SCRIB: variants seen among roughly 807,000 people sequenced by gnomAD.
SCRIB encodes protein scribble homolog.
SCRIB carries 72 observed loss-of-function variants against 170.0 expected under a neutral mutation model. That is an observed-to-expected ratio of 0.42 (90% CI 0.35 to 0.52). SCRIB has a LOEUF of 0.52. Among genes scored for constraint, SCRIB ranks in the 20% least tolerant of loss-of-function variants. The pLI is 0.02. For missense variants in SCRIB, 2,475 were observed against 2,338.5 expected, an observed-to-expected ratio of 1.06 and a Z score of -1.20; for synonymous variants, 1,298 against 1,044.3, an observed-to-expected ratio of 1.24 and a Z score of -4.68.
chr8:143,814,345 C>T (rs113070193), intron 1 of SCRIB, among the ~76,000 whole-genome samples: 6 of 152,210 alleles, frequency 3.9e-5, no homozygotes, highest in African/African-American at 1.2e-4. Context: ...CACCAGCCTC[C>T]ACTCTGAGAA....
intron 24 of SCRIB, among the ~76,000 whole-genome samples, chr8:143,801,751 C>T (rs1815180697): frequency 1.3e-5 from 2 of 152,178 alleles, no homozygotes; most frequent in African/African-American, 4.8e-5. Context: ...CAGCTCTCAG[C>T]CCCACTGCTC....
intron 24 of SCRIB, among the ~76,000 whole-genome samples, chr8:143,799,113 A>G (rs1440049426): frequency 6.6e-6 from 1 of 152,220 alleles, no homozygotes; most frequent in African/African-American, 2.4e-5. Context: ...CTGTTATTCT[A>G]AAAACTAACA....
rs140122931 is a variant in SCRIB, at chr8:143,802,069, C to T, written c.3603+1314G>A. Among the ~76,000 whole-genome samples the T allele has an allele frequency of 7.2e-5, 11 of 152,360 alleles. No homozygotes were observed. The East Asian group carries it at 7.7e-4, about 11-fold the overall frequency. On this transcript the variant is annotated intron_variant, in intron 24 of 36. Transcript: ENST00000356994. Reference sequence around the variant, plus strand: ...TCACGAGTAAATATATCGAATGAAACGTGTTTAGATACACATTTAAAATAA... The same window carrying T: ...TCACGAGTAAATATATCGAATGAAATGTGTTTAGATACACATTTAAAATAA...
At chr8:143,796,653 G>A (rs1289863227) in intron 24 of SCRIB, among the ~76,000 whole-genome samples, 16 of 152,332 alleles carry the variant, frequency 1.1e-4, no homozygotes, top group Admixed American at 5.9e-4. Context: ...CTAGAAACGC[G>A]AGTGTCGTAA....
intron 27 of SCRIB, chr8:143,794,178 C>T (rs1814835438): frequency 1.8e-6 from 1 of 561,956 alleles, no homozygotes; most frequent in Admixed American, 3.0e-5. Context: ...CAGCTGCTGT[C>T]TCCATGGCAG....
At chr8:143,794,600 G>A (rs1254904242) in intron 27 of SCRIB, among the ~76,000 whole-genome samples, 1 of 151,984 alleles carries the variant, frequency 6.6e-6, no homozygotes, top group Non-Finnish European at 1.5e-5. Flanking sequence ...GTATCTCTAA[G>A]GGGAGGGATG....
In SCRIB at chr8:143,810,979, C is replaced by T. The variant is rs762494915; in HGVS notation, c.1200G>A (p.Thr400=). The change falls in exon 11 of 37, where the codon ACG becomes ACA. Residue 400 remains threonine, a synonymous_variant. Transcript: ENST00000356994. ...NQAQPMLRFQ[T]EDDARTGEKV... is the part of the protein sequence containing the mutation. ...TCTCGCCGGTCCGGGCATCATCCTC[C>T]GTCTGGAACCGGAGCATGGGCTGCG... 4.4e-5 allele frequency: 71 copies of T among 1,611,392 alleles called. No individual in the cohort carries two copies. The highest frequency in any genetic ancestry group is 5.7e-5 in the Non-Finnish European group (67 of 1,179,416).
At position 143,813,896 on chromosome 8, in the gene SCRIB, T is replaced by G. The variant is rs112295309; in HGVS notation, c.278A>C (p.Asp93Ala). Residue 93 changes from aspartate to alanine, a missense_variant and splice_region_variant, in exon 3 of 37, where the codon GAT becomes GCT. Physicochemically the swap from Asp to Ala is moderately radical, Grantham distance 126. Transcript: ENST00000356994. ...GATGCTCTCCGGGATCTCAGGGATA[T>G]CTGTCACAGAGGGTCACAGTGGACA... The part of the protein sequence containing the change: ...QLVELDVSRN[D>A]IPEIPESIKF... The G allele has an allele frequency of 8.7e-4, 1,391 of 1,607,904 alleles. No homozygotes were observed. The highest frequency in any genetic ancestry group is 1.0e-3 in the Non-Finnish European group (1,208 of 1,175,928).
At position 143,814,068 on chromosome 8, in the gene SCRIB, C is replaced by T; in HGVS notation, c.210G>A (p.Glu70=). 6.4e-7 allele frequency: 1 copy of T among 1,556,336 alleles called. No homozygotes were observed. Among genetic ancestry groups the T allele is most frequent in the Non-Finnish European group, 8.7e-7 (1 of 1,149,578 alleles). Residue 70 remains glutamate, a synonymous_variant, in exon 2 of 37, where the codon GAG becomes GAA. Transcript: ENST00000356994. ...CCACCTCGGGAGGCAACCGCTGGAT[C>T]TCGTTGTCGCTCAGGCCCAGCTTGC... is the stretch of plus-strand genomic sequence containing the variant. The part of the protein sequence containing the change: ...NLRKLGLSDN[E]IQRLPPEVAN...
At chr8:143,796,962 C>T (rs539742808) in intron 24 of SCRIB, among the ~76,000 whole-genome samples, 70 of 152,286 alleles carry the variant, frequency 4.6e-4, no homozygotes, top group Middle Eastern at 3.4e-3. Flanking sequence ...TGGGAATGAC[C>T]GGCATACCCT....
rs1250879678 is a variant in SCRIB at position 143,790,990 on chromosome 8, T to TATA, written c.*172_*173insTAT. 3.6e-6 allele frequency: 2 copies of TATA among 554,254 alleles called. No homozygotes were observed. Among genetic ancestry groups the TATA allele is most frequent in the African/African-American group, 3.9e-5 (2 of 51,106 alleles). The allele number at this position is 554,254 out of a possible 1,614,324, so 34.3% of individuals were successfully genotyped here. A position where few individuals can be genotyped will look rare whatever the true frequency, so the allele number is the denominator to read the frequency against. ...GAGTCTTTGGTTGTACAAACATCACTAGTTACAGTCTCGCCGAGGTCTCGG... is the reference window on the plus strand; with the variant it reads ...GAGTCTTTGGTTGTACAAACATCACTATAAGTTACAGTCTCGCCGAGGTCTCGG... On this transcript the variant is annotated 3_prime_UTR_variant, in exon 37 of 37. Transcript: ENST00000356994.
intron 7 of SCRIB, 24 bp from the exon 8 acceptor site, chr8:143,812,985 G>C (rs375113117): frequency 6.2e-7 from 1 of 1,611,838 alleles, no homozygotes; most frequent in Non-Finnish European, 8.5e-7. Flanking sequence ...GAGAGTCAGA[G>C]CGCGGATGGG....
In SCRIB at chr8:143,803,664, C is replaced by T; in HGVS notation, c.3397G>A (p.Gly1133Ser). The change falls in exon 23 of 37, where the codon GGC (glycine) becomes AGC (serine). Residue 1133 changes from glycine to serine, a missense_variant. Coordinates refer to ENST00000356994, the MANE Select transcript of SCRIB (RefSeq NM_182706.5). The part of the protein sequence containing the change: ...AGNPRDPTDE[G>S]IFISKVSPTG... ...GGGCTCACCTTGGAGATGAAGATGC[C>T]CTCGTCTGTGGGGTCGCGGGGGTTG... 1 of 1,563,236 alleles carries T rather than the reference C, an allele frequency of 6.4e-7. No individual in the cohort carries two copies. The highest frequency in any genetic ancestry group is 8.6e-7 in the Non-Finnish European group (1 of 1,160,380).
chr8:143,798,398 G>A (rs531962663), intron 24 of SCRIB, among the ~76,000 whole-genome samples: 81 of 91,582 alleles, frequency 8.8e-4, no homozygotes, highest in African/African-American at 1.9e-3. Flanking sequence ...TACGTCCCAG[G>A]CAGGGTGAAC....
chr8:143,806,594 TGGCCAG>T, intron 17 of SCRIB, 110 bp from the exon 18 acceptor site: 1 of 881,686 alleles, frequency 1.1e-6, no homozygotes, highest in Non-Finnish European at 1.8e-6. Flanking sequence ...CCCCTAGCCC[TGGCCAG>T]CAGGAGGACT....
intron 24 of SCRIB, among the ~76,000 whole-genome samples, chr8:143,796,147 G>A (rs1335497633): frequency 6.6e-6 from 1 of 152,200 alleles, no homozygotes; most frequent in African/African-American, 2.4e-5. Context: ...AGGACAGGCA[G>A]GGGCTTCTGG....
chr8:143,810,867 G>C (rs1815681507), intron 11 of SCRIB, 39 bp downstream of exon 11: 2 of 1,608,042 alleles, frequency 1.2e-6, no homozygotes, highest in African/African-American at 1.3e-5. Context: ...CCCTGCCTGA[G>C]AGCCACCCCG....
At position 143,805,156 on chromosome 8, in the gene SCRIB, T is replaced by A; in HGVS notation, c.2626A>T (p.Ile876Phe). The part of the protein sequence containing the change: ...ARSERGLGFS[I>F]AGGKGSTPYR... ...GGTGTGGAGCCTTTCCCACCAGCAA[T>A]GCTGAAGCCCAGCCCCCTCTCGCTG... The change falls in exon 19 of 37, where the codon ATT becomes TTT. Residue 876 changes from isoleucine to phenylalanine, a missense_variant. Physicochemically the swap from Ile to Phe is conservative, Grantham distance 21. Transcript: ENST00000356994. 1 of 1,577,666 alleles carries A rather than the reference T, an allele frequency of 6.3e-7. No homozygotes were observed.
At chr8:143,798,791 C>T (rs188713383) in intron 24 of SCRIB, among the ~76,000 whole-genome samples, 43 of 152,104 alleles carry the variant, frequency 2.8e-4, no homozygotes, top group Non-Finnish European at 1.9e-4. Flanking sequence ...AAGGCAGTGC[C>T]TGAGTCCTGA....
Sources: gnomAD v4.1 joint callset for allele counts (sites outside exome capture counted in the v4.1 genomes callset) on GRCh38, gnomAD v4.1.1 for gene constraint, MANE v1.5 for transcripts, NCBI Gene and HGNC (gene_info 2026-07-23, HGNC 2026-07-21) for gene names.